The following TMLHE variants were observed in gnomAD, a reference collection of about 807,000 sequenced individuals.
TMLHE encodes trimethyllysine dioxygenase, mitochondrial.
TMLHE carries 18 observed loss-of-function variants against 25.7 expected under a neutral mutation model. The observed-to-expected ratio is 0.70, with a 90% CI of 0.48 to 1.04. The LOEUF is 1.04. Ranked by LOEUF, TMLHE falls within the 50% of genes least tolerant of loss-of-function variation. The pLI, the probability that TMLHE is intolerant of heterozygous loss-of-function variation, is 0.00. For synonymous variants in TMLHE, 105 were observed against 97.0 expected (o/e 1.08, Z -0.49); for missense variants, 236 against 259.0 (o/e 0.91, Z 0.61).
chrX:155,584,154 AT>A (rs1164831942), intron 1 of TMLHE, among the ~76,000 whole-genome samples: 4 of 110,477 alleles, frequency 3.6e-5, no homozygotes, highest in Non-Finnish European at 5.7e-5. Context: ...TCAAATAGAT[AT>A]TTTTTTAAAA....
At chrX:155,523,878 T>C (rs2067203455) in intron 3 of TMLHE, among the ~76,000 whole-genome samples, 1 of 112,008 alleles carries the variant, frequency 8.9e-6, no homozygotes, top group African/African-American at 3.2e-5. Flanking sequence ...CATATTTTGT[T>C]AGATTATACC....
In TMLHE at chrX:155,569,540, C is replaced by T. The variant is rs1188212312; in HGVS notation, c.-1-24263G>A. On this transcript the variant is annotated intron_variant, in intron 1 of 7. Transcript: ENST00000334398. ...CTCCAAGACACATAATTGTCAGATT[C>T]ACCAAAGTTGAAATGAAGGAAAAAA... Among the ~76,000 whole-genome samples, 8 of 56,207 alleles carry T rather than the reference C, an allele frequency of 1.4e-4. 1 individual carries two copies. Among genetic ancestry groups the T allele is most frequent in the African/African-American group, 3.4e-4 (8 of 23,277 alleles). 48.8% of individuals were successfully genotyped at this position (56,207 alleles called of 115,157 possible).
chrX:155,555,498 C>T (rs376042358), intron 1 of TMLHE, among the ~76,000 whole-genome samples: 108 of 109,746 alleles, frequency 9.8e-4, no homozygotes, highest in African/African-American at 3.2e-3. Flanking sequence ...CCACCAACAG[C>T]GTAAAAGTGT....
At chrX:155,585,450 CACAT>C (rs1385582427) in intron 1 of TMLHE, among the ~76,000 whole-genome samples, 76 of 94,306 alleles carry the variant, frequency 8.1e-4, no homozygotes, top group African/African-American at 2.3e-3. Context: ...CACACACACA[CACAT>C]ATATATATGC....
intron 2 of TMLHE, among the ~76,000 whole-genome samples, chrX:155,531,690 C>A (rs2067250023): frequency 1.8e-5 from 2 of 111,901 alleles, no homozygotes; most frequent in Non-Finnish European, 3.8e-5. Context: ...AGCCTTATTA[C>A]ATTAAGTTTT....
At chrX:155,516,062 A>C (rs2067153019) in intron 3 of TMLHE, among the ~76,000 whole-genome samples, 1 of 51,270 alleles carries the variant, frequency 2.0e-5, no homozygotes, top group Non-Finnish European at 3.6e-5. Flanking sequence ...ACATGTGCAC[A>C]TTGTGCAGGT....
chrX:155,534,328 G>A, intron 2 of TMLHE, among the ~76,000 whole-genome samples: 1 of 111,488 alleles, frequency 9.0e-6, no homozygotes, highest in South Asian at 3.8e-4. Context: ...CTGCCTCCTG[G>A]GTTCAAGCGA....
chrX:155,611,405 C>G (rs1326161572), intron 1 of TMLHE: 1 of 111,597 alleles, frequency 9.0e-6, no homozygotes, highest in Non-Finnish European at 1.9e-5. Flanking sequence ...CTGGAGGCAT[C>G]AGATACAGCT....
intron 4 of TMLHE, 131 bp downstream of exon 4, chrX:155,513,855 G>A: frequency 1.6e-6 from 1 of 625,378 alleles, no homozygotes; most frequent in Non-Finnish European, 2.4e-6. Context: ...GCAAGTGAGA[G>A]TCCCTTATTC....
intron 2 of TMLHE, among the ~76,000 whole-genome samples, chrX:155,544,503 C>T (rs1018512519): frequency 5.4e-5 from 6 of 111,748 alleles, no homozygotes; most frequent in African/African-American, 1.6e-4. Context: ...AAAACTCTCT[C>T]CCAAAGGGAG....
intron 1 of TMLHE, among the ~76,000 whole-genome samples, chrX:155,595,116 TACAA>T (rs2067713872): frequency 8.9e-6 from 1 of 112,129 alleles, no homozygotes; most frequent in Non-Finnish European, 1.9e-5. Context: ...TGTCAAAATT[TACAA>T]ACACAGACTG....
intron 1 of TMLHE, among the ~76,000 whole-genome samples, chrX:155,582,921 C>T (rs1557344770): frequency 1.8e-5 from 2 of 112,333 alleles, no homozygotes; most frequent in East Asian, 2.8e-4. Context: ...TGGAACCAAC[C>T]CAAATGTCCA....
At chrX:155,572,936 C>T (rs1340120885) in intron 1 of TMLHE, among the ~76,000 whole-genome samples, 5 of 57,819 alleles carry the variant, frequency 8.6e-5, no homozygotes, top group African/African-American at 2.1e-4. Flanking sequence ...GCACGGACTT[C>T]ATGTCTAAAA....
At chrX:155,587,382 T>G (rs1557345424) in intron 1 of TMLHE, among the ~76,000 whole-genome samples, 1 of 111,657 alleles carries the variant, frequency 9.0e-6, no homozygotes, top group East Asian at 2.8e-4. Context: ...ATAAAGGTCA[T>G]ATATAACAAA....
At chrX:155,542,259 A>T (rs1476085507) in intron 2 of TMLHE, among the ~76,000 whole-genome samples, 1 of 111,779 alleles carries the variant, frequency 8.9e-6, no homozygotes, top group East Asian at 2.8e-4. Context: ...AGCCTTCTGC[A>T]TATGGCATCA....
intron 5 of TMLHE, 72 bp downstream of exon 5, chrX:155,511,601 G>A: frequency 5.7e-6 from 6 of 1,058,306 alleles, no homozygotes; most frequent in Non-Finnish European, 7.5e-6. Context: ...GAACAGAATG[G>A]AAAATAATTA....
At chrX:155,558,229 A>T (rs1277065636) in intron 1 of TMLHE, among the ~76,000 whole-genome samples, 1 of 111,730 alleles carries the variant, frequency 9.0e-6, no homozygotes, top group Non-Finnish European at 1.9e-5. Flanking sequence ...ACTCATGTTC[A>T]TGCTCTTTGT....
rs187356432 is a variant in TMLHE, at chrX:155,554,920, C to T, written c.-1-9643G>A. Among the ~76,000 whole-genome samples, 120 of 108,196 alleles carry T rather than the reference C, an allele frequency of 1.1e-3. 2 individuals carry two copies. The East Asian group carries it at 0.016, about 14-fold the overall frequency. 94.0% of individuals were successfully genotyped at this position (108,196 alleles called of 115,157 possible). On this transcript the variant is annotated intron_variant, in intron 1 of 7. Transcript: ENST00000334398. ...ATTATACTTTAAGTTCTAGGGTACA[C>T]GTGCACCATGTGCAGGTTTGATACA...
At chrX:155,605,678 C>T (rs1036634772) in intron 1 of TMLHE, among the ~76,000 whole-genome samples, 1 of 111,959 alleles carries the variant, frequency 8.9e-6, no homozygotes, top group Non-Finnish European at 1.9e-5. Flanking sequence ...TATAAAGCAA[C>T]CACGTGATCA....
Sources: allele counts gnomAD v4.1 joint callset (sites outside exome capture counted in the v4.1 genomes callset), GRCh38; gene constraint gnomAD v4.1.1; transcripts MANE v1.5; gene names NCBI Gene and HGNC (gene_info 2026-07-23, HGNC 2026-07-21).